PDE1C: variants seen among roughly 807,000 people sequenced by gnomAD.
PDE1C encodes the protein phosphodiesterase 1C, also known as dual specificity calcium/calmodulin-dependent 3',5'-cyclic nucleotide phosphodiesterase 1C.
Under a neutral mutation model 93.1 loss-of-function variants are expected in PDE1C, and 62 were observed. The observed-to-expected ratio is 0.67, with a 90% CI of 0.54 to 0.82. The LOEUF (loss-of-function observed/expected upper bound fraction) is 0.82. PDE1C is among the 40% of genes least tolerant of loss of function. The pLI is 0.00. For missense variants in PDE1C, 742 were observed against 884.6 expected (o/e 0.84, Z 2.04); for synonymous variants, 325 against 310.1 (o/e 1.05, Z -0.50).
intron 1 of PDE1C, among the ~76,000 whole-genome samples, chr7:32,339,210 C>T (rs531250968): frequency 6.6e-5 from 10 of 151,976 alleles, no homozygotes; most frequent in South Asian, 4.2e-4. Flanking sequence ...AACTACTGTA[C>T]GATTCCATAC....
chr7:31,878,846 G>T, intron 4 of PDE1C, 150 bp downstream of exon 4: 1 of 701,222 alleles, frequency 1.4e-6, no homozygotes, highest in Non-Finnish European at 2.3e-6. Flanking sequence ...ATATGTTTTT[G>T]CCATTTCTCA....
downstream of PDE1C, among the ~76,000 whole-genome samples, chr7:31,750,061 G>A (rs1314388333): frequency 6.6e-6 from 1 of 152,072 alleles, no homozygotes; most frequent in Non-Finnish European, 1.5e-5. Flanking sequence ...TTAAATAGTT[G>A]ATTCTGCTGT....
chr7:31,732,026 G>A, the PDE1C span, among the ~76,000 whole-genome samples: 22 of 152,320 alleles, frequency 1.4e-4, no homozygotes, highest in African/African-American at 5.3e-4. Flanking sequence ...GCTTCCCAGA[G>A]GACGCCTGCA....
At chr7:32,132,096 G>A (rs1373956988) in intron 3 of PDE1C, among the ~76,000 whole-genome samples, 1 of 152,126 alleles carries the variant, frequency 6.6e-6, no homozygotes, top group East Asian at 1.9e-4. Flanking sequence ...ACAAGAAGGA[G>A]CCAGCATATG....
chr7:31,712,130 C>A, the PDE1C span, among the ~76,000 whole-genome samples: 1 of 152,356 alleles, frequency 6.6e-6, no homozygotes, highest in Non-Finnish European at 1.5e-5. Flanking sequence ...TTCTTGTGAT[C>A]ATCCATTTGT....
At chr7:31,692,007 G>A in the PDE1C span, among the ~76,000 whole-genome samples, 1 of 152,104 alleles carries the variant, frequency 6.6e-6, no homozygotes, top group Admixed American at 6.5e-5. Context: ...CATCTGTGAA[G>A]TAGACATAAT....
chr7:31,948,744 C>T (rs1422786077), intron 2 of PDE1C, among the ~76,000 whole-genome samples: 1 of 152,108 alleles, frequency 6.6e-6, no homozygotes, highest in South Asian at 2.1e-4. Context: ...ATACCTAGTA[C>T]TCTTTCCCCA....
chr7:31,769,423 T>A (rs1795340905), intron 17 of PDE1C, among the ~76,000 whole-genome samples: 1 of 152,194 alleles, frequency 6.6e-6, no homozygotes, highest in African/African-American at 2.4e-5. Flanking sequence ...TTTTGTTTAG[T>A]TATGGCACTG....
intron 2 of PDE1C, among the ~76,000 whole-genome samples, chr7:31,901,254 A>T (rs1248575847): frequency 5.9e-5 from 9 of 151,680 alleles, no homozygotes; most frequent in Non-Finnish European, 1.2e-4. Flanking sequence ...AAGTTCAATA[A>T]ATTTTAAAGC....
chr7:32,393,553 C>A (rs1784789651), intron 1 of PDE1C, among the ~76,000 whole-genome samples: 1 of 152,110 alleles, frequency 6.6e-6, no homozygotes, highest in Admixed American at 6.6e-5. Context: ...GTCCTTAATT[C>A]AATTGTTAAT....
At chr7:32,354,414 G>C in intron 1 of PDE1C, among the ~76,000 whole-genome samples, 1 of 152,106 alleles carries the variant, frequency 6.6e-6, no homozygotes, top group African/African-American at 2.4e-5. Flanking sequence ...ATCACTTGAG[G>C]CCAGAAGTTT....
intron 1 of PDE1C, among the ~76,000 whole-genome samples, chr7:32,287,082 A>G (rs1812046960): frequency 6.6e-6 from 1 of 152,202 alleles, no homozygotes; most frequent in African/African-American, 2.4e-5. Context: ...GCTAGTTATT[A>G]TTAACACATA....
At chr7:31,749,540 T>A (rs1349567082), downstream of PDE1C, among the ~76,000 whole-genome samples, 1 of 152,066 alleles carries the variant, frequency 6.6e-6, no homozygotes, top group Non-Finnish European at 1.5e-5. Context: ...CTTCTACGCC[T>A]TGAAAATGTG....
intron 3 of PDE1C, among the ~76,000 whole-genome samples, chr7:32,135,677 T>G (rs1800165350): frequency 6.6e-6 from 1 of 152,182 alleles, no homozygotes; most frequent in Admixed American, 6.6e-5. Context: ...TGTAAGTTGG[T>G]GCAGCCATTA....
intron 1 of PDE1C, among the ~76,000 whole-genome samples, chr7:32,267,582 A>ACTCTCTCTCT (rs1562634837): frequency 9.6e-4 from 68 of 70,546 alleles, no homozygotes; most frequent in Admixed American, 3.2e-3. Flanking sequence ...TCACACACAC[A>ACTCTCTCTCT]CACACTCTCT....
At chr7:32,314,734 C>T (rs981011123) in intron 1 of PDE1C, among the ~76,000 whole-genome samples, 4 of 151,940 alleles carry the variant, frequency 2.6e-5, no homozygotes, top group Non-Finnish European at 4.4e-5. Flanking sequence ...ACAGAATTAC[C>T]GAGAGCACCA....
chr7:31,880,287 G>T lies in PDE1C; in HGVS notation c.242+460C>A, dbSNP rs190005452. On this transcript the variant is annotated intron_variant, in intron 3 of 17. Transcript: ENST00000396191. ...GAATAAACCTGCTAAGTAAATCAGCGACATACGTAAGACTGAAGAGGGAAT... is the reference window on the plus strand; with the variant it reads ...GAATAAACCTGCTAAGTAAATCAGCTACATACGTAAGACTGAAGAGGGAAT... 1.4e-4 allele frequency among the ~76,000 whole-genome samples: 21 copies of T among 152,262 alleles called. 1 individual carries two copies. The highest frequency in any genetic ancestry group is 5.2e-4 in the Admixed American group (8 of 15,294).
the PDE1C span, among the ~76,000 whole-genome samples, chr7:31,691,664 T>C: frequency 2.2e-4 from 34 of 152,016 alleles, no homozygotes; most frequent in Non-Finnish European, 3.4e-4. Flanking sequence ...TGTTCTCATG[T>C]CTGGAATCCC....
chr7:32,157,271 G>C (rs770592191), intron 3 of PDE1C, among the ~76,000 whole-genome samples: 7 of 152,086 alleles, frequency 4.6e-5, no homozygotes, highest in South Asian at 2.1e-4. Context: ...GTATTCGATA[G>C]TACAATAGGG....
Sources: gnomAD v4.1 joint callset for allele counts (sites outside exome capture counted in the v4.1 genomes callset) on GRCh38, gnomAD v4.1.1 for gene constraint, MANE v1.5 for transcripts, NCBI Gene and HGNC (gene_info 2026-07-23, HGNC 2026-07-21) for gene names.